Variants in CCDC50 observed in about 807,000 individuals in gnomAD.
CCDC50 encodes the protein coiled-coil domain containing 50.
In CCDC50, 54 loss-of-function variants were observed where a neutral mutation model predicts 70.2. The ratio of observed to expected loss-of-function variants is 0.77; its 90% CI spans 0.62 to 0.96. The LOEUF is 0.96. CCDC50 is among the 50% of genes least tolerant of loss of function. The pLI is 0.00. For synonymous variants in CCDC50, 216 were observed against 198.8 expected (o/e 1.09, Z -0.73); for missense variants, 558 against 578.7 (o/e 0.96, Z 0.37).
intron 1 of CCDC50, among the ~76,000 whole-genome samples, chr3:191,337,514 T>G (rs1711560936): frequency 6.6e-6 from 1 of 152,084 alleles, no homozygotes. Flanking sequence ...CCAGCTAATT[T>G]TTGTATTTTT....
At position 191,341,722 on chromosome 3, in the gene CCDC50, G is replaced by GA. The variant is rs918737511; in HGVS notation, c.49+12008dup. ...ATAAGGTGAATATAAATTTCTTTCT[G>GA]AAAAAAAAATTACCCCACTCTTGTG... On this transcript the variant is annotated intron_variant, in intron 1 of 11. Transcript: ENST00000392455. Among the ~76,000 whole-genome samples, 21 of 151,052 alleles carry GA rather than the reference G, an allele frequency of 1.4e-4. No homozygotes were observed. In the East Asian group the frequency reaches 2.9e-3, roughly 21 times the overall value.
chr3:191,351,609 G>A (rs141656617), intron 1 of CCDC50, among the ~76,000 whole-genome samples: 1 of 141,038 alleles, frequency 7.1e-6, no homozygotes, highest in East Asian at 1.9e-4. Context: ...TGTGTGAGGA[G>A]AAACAATAAG....
intron 1 of CCDC50, among the ~76,000 whole-genome samples, chr3:191,339,530 C>A (rs1400801838): frequency 6.6e-6 from 1 of 152,124 alleles, no homozygotes; most frequent in Admixed American, 6.5e-5. Context: ...GATAACCAAG[C>A]AAACTGTAGG....
chr3:191,344,902 C>T (rs1560157221), intron 1 of CCDC50, among the ~76,000 whole-genome samples: 1 of 152,146 alleles, frequency 6.6e-6, no homozygotes, highest in Non-Finnish European at 1.5e-5. Context: ...TAATATATGT[C>T]CCATTGAGCG....
Position 191,397,280 on chromosome 3 carries a change from A to T in CCDC50, c.*5520A>T, listed in dbSNP as rs1713891613. Reference sequence around the variant, plus strand: ...TGCTAAAATAATTTCTACCTGTTAAATTTTGTGAGAGGGTTTTTGACATCA... The same window carrying T: ...TGCTAAAATAATTTCTACCTGTTAATTTTTGTGAGAGGGTTTTTGACATCA... On this transcript the variant is annotated 3_prime_UTR_variant, in exon 12 of 12. Transcript: ENST00000392455. 6.6e-6 allele frequency: 1 copy of T among 152,178 alleles called. No individual in the cohort carries two copies. Among genetic ancestry groups the T allele is most frequent in the African/African-American group, 2.4e-5 (1 of 41,440 alleles). The allele number at this position is 152,178 out of a possible 1,614,324, so 9.4% of individuals were successfully genotyped here.
intron 6 of CCDC50, 69 bp from the exon 7 acceptor site, chr3:191,380,090 A>T: frequency 1.0e-6 from 1 of 973,280 alleles, no homozygotes; most frequent in Non-Finnish European, 1.6e-6. Flanking sequence ...CCTTTATCTT[A>T]AATTTCTTAA....
chr3:191,387,428 G>A (rs945450152), intron 10 of CCDC50, among the ~76,000 whole-genome samples: 1 of 152,054 alleles, frequency 6.6e-6, no homozygotes, highest in African/African-American at 2.4e-5. Flanking sequence ...TTTCTAACTT[G>A]GATATATATG....
intron 10 of CCDC50, among the ~76,000 whole-genome samples, chr3:191,386,687 G>A (rs1713508717): frequency 6.6e-6 from 1 of 152,114 alleles, no homozygotes; most frequent in Non-Finnish European, 1.5e-5. Context: ...ATTCCAGTAA[G>A]CTTCAAGCTG....
Position 191,398,347 on chromosome 3 carries a change from T to C in CCDC50, c.*6587T>C, listed in dbSNP as rs935929208. 2 of 152,234 alleles carry C rather than the reference T, an allele frequency of 1.3e-5. No homozygotes were observed. The highest frequency in any genetic ancestry group is 4.8e-5 in the African/African-American group (2 of 41,462). 9.4% of individuals were successfully genotyped at this position (152,234 alleles called of 1,614,324 possible). ...TAAACCAAAGTATTCTATAAGTCTG[T>C]GTGCTTTGTTTTCCTGGATGGTTTG... On this transcript the variant is annotated 3_prime_UTR_variant, in exon 12 of 12. Transcript: ENST00000392455.
intron 11 of CCDC50, 109 bp from the exon 12 acceptor site, chr3:191,391,632 A>G (rs1349191796): frequency 4.3e-6 from 4 of 934,294 alleles, no homozygotes; most frequent in South Asian, 2.8e-5. Flanking sequence ...ATAAAGTACT[A>G]TTAGAAATGT....
chr3:191,358,639 A>G (rs898504944), intron 3 of CCDC50, among the ~76,000 whole-genome samples: 1 of 152,228 alleles, frequency 6.6e-6, no homozygotes, highest in Admixed American at 6.5e-5. Context: ...GTGTCTGACA[A>G]AAGTTCTCTC....
intron 9 of CCDC50, 66 bp from the exon 10 acceptor site, chr3:191,382,680 T>C (rs1161823171): frequency 1.3e-5 from 13 of 1,021,526 alleles, no homozygotes; most frequent in Non-Finnish European, 2.0e-5. Flanking sequence ...TCTTTCCCTT[T>C]GTTTGATGAT....
At position 191,393,816 on chromosome 3, in the gene CCDC50, A is replaced by G. The variant is rs995274627; in HGVS notation, c.*2056A>G. 1 of 152,186 alleles carries G rather than the reference A, an allele frequency of 6.6e-6. No individual in the cohort carries two copies. The highest frequency in any genetic ancestry group is 2.4e-5 in the African/African-American group (1 of 41,458). 9.4% of individuals were successfully genotyped at this position (152,186 alleles called of 1,614,324 possible). Reference sequence around the variant, plus strand: ...TTATAGTAATGCTATATTTTTCTTTATCTGCCCTGTGATTTCGCTTCGTGT... The same window carrying G: ...TTATAGTAATGCTATATTTTTCTTTGTCTGCCCTGTGATTTCGCTTCGTGT... On this transcript the variant is annotated 3_prime_UTR_variant, in exon 12 of 12. Transcript: ENST00000392455.
At chr3:191,354,062 T>G (rs1312441922) in intron 1 of CCDC50, among the ~76,000 whole-genome samples, 2 of 152,162 alleles carry the variant, frequency 1.3e-5, no homozygotes, top group African/African-American at 4.8e-5. Flanking sequence ...TCAAACCATA[T>G]CTTCATGTTC....
At chr3:191,359,921 A>T (rs1712424150) in intron 3 of CCDC50, among the ~76,000 whole-genome samples, 1 of 152,218 alleles carries the variant, frequency 6.6e-6, no homozygotes, top group African/African-American at 2.4e-5. Flanking sequence ...ACTCAAATAT[A>T]AATCAGGAGT....
intron 5 of CCDC50, among the ~76,000 whole-genome samples, chr3:191,371,370 A>C (rs1329686438): frequency 1.3e-5 from 2 of 152,154 alleles, no homozygotes; most frequent in Non-Finnish European, 2.9e-5. Context: ...TTGTCAAAGG[A>C]AAGATGTTTC....
At chr3:191,366,059 C>CTACTTGGGATCA (rs1712676669) in intron 4 of CCDC50, among the ~76,000 whole-genome samples, 1 of 152,110 alleles carries the variant, frequency 6.6e-6, no homozygotes, top group Non-Finnish European at 1.5e-5. Context: ...TACTTGTCAT[C>CTACTTGGGATCA]TACTTGGGAA....
chr3:191,388,411 A>C (rs950317580), intron 10 of CCDC50, among the ~76,000 whole-genome samples: 5 of 152,174 alleles, frequency 3.3e-5, no homozygotes, highest in African/African-American at 1.2e-4. Context: ...TATTTACCTC[A>C]TCTAACCTAA....
chr3:191,382,570 A>G (rs912514330), intron 9 of CCDC50, among the ~76,000 whole-genome samples, 176 bp from the exon 10 acceptor site: 2 of 152,246 alleles, frequency 1.3e-5, no homozygotes, highest in Admixed American at 6.5e-5. Context: ...CTACCTCTGG[A>G]GTGGCCATAT....
Sources: gnomAD v4.1 joint callset for allele counts (sites outside exome capture counted in the v4.1 genomes callset) on GRCh38, gnomAD v4.1.1 for gene constraint, MANE v1.5 for transcripts, NCBI Gene and HGNC (gene_info 2026-07-23, HGNC 2026-07-21) for gene names.